Variants in PCMTD2 observed in about 807,000 individuals in gnomAD.
PCMTD2 encodes protein-L-isoaspartate (D-aspartate) O-methyltransferase domain containing 2.
Under a neutral mutation model 33.4 loss-of-function variants are expected in PCMTD2, and 16 were observed. That is an observed-to-expected ratio of 0.48 (90% CI 0.32 to 0.73). The LOEUF is 0.73. PCMTD2 is among the 30% of genes least tolerant of loss of function. The pLI, the probability that PCMTD2 is intolerant of heterozygous loss-of-function variation, is 0.03. For missense variants in PCMTD2, 374 were observed against 449.9 expected (o/e 0.83, Z 1.53); for synonymous variants, 161 against 160.8 (o/e 1.00, Z -0.01).
chr20:64,260,361 C>T, intron 2 of PCMTD2, 89 bp downstream of exon 2: 3 of 907,470 alleles, frequency 3.3e-6, no homozygotes, highest in Non-Finnish European at 5.3e-6. Context: ...TAATGGCCTG[C>T]CTGGGTCGAG....
chr20:64,261,419 C>T (rs1985410255), intron 2 of PCMTD2, among the ~76,000 whole-genome samples: 1 of 152,074 alleles, frequency 6.6e-6, no homozygotes, highest in Non-Finnish European at 1.5e-5. Context: ...AAAGAAACGT[C>T]AGGAATGTGG....
chr20:64,261,497 C>T (rs1279255491), intron 2 of PCMTD2, among the ~76,000 whole-genome samples: 3 of 152,186 alleles, frequency 2.0e-5, no homozygotes, highest in African/African-American at 4.8e-5. Flanking sequence ...ATCGCTTGAT[C>T]GCTTCAAGAT....
rs1277602471 is a variant in PCMTD2 at position 64,267,876 on chromosome 20, C to G, written c.583-11C>G. ...ATTCTTTTGAATATTCTCATTTTGT[C>G]TCTGGGATAGTTGACTAAGATAACA... On this transcript the variant is annotated splice_polypyrimidine_tract_variant and intron_variant, in intron 4 of 5. Transcript: ENST00000308824. The G allele has an allele frequency of 6.2e-7, 1 of 1,611,028 alleles. No homozygotes were observed. The highest frequency in any genetic ancestry group is 8.5e-7 in the Non-Finnish European group (1 of 1,177,862).
chr20:64,268,479 C>T (rs1985749684), intron 5 of PCMTD2, among the ~76,000 whole-genome samples: 1 of 152,284 alleles, frequency 6.6e-6, no homozygotes, highest in South Asian at 2.1e-4. Context: ...GGAGACTTTC[C>T]GTGGAACCTT....
chr20:64,261,450 C>A (rs1192242666), intron 2 of PCMTD2, among the ~76,000 whole-genome samples: 1 of 152,178 alleles, frequency 6.6e-6, no homozygotes, highest in African/African-American at 2.4e-5. Context: ...TGGTTCATGC[C>A]TGTAATCCCA....
chr20:64,273,877 T>C lies in PCMTD2; in HGVS notation c.*277T>C. 1 of 318,236 alleles carries C rather than the reference T, an allele frequency of 3.1e-6. No homozygotes were observed. Among genetic ancestry groups the C allele is most frequent in the Non-Finnish European group, 5.7e-6 (1 of 174,366 alleles). 19.7% of individuals were successfully genotyped at this position (318,236 alleles called of 1,614,324 possible). A position where few individuals can be genotyped will look rare whatever the true frequency, so the allele number is the denominator to read the frequency against. On this transcript the variant is annotated 3_prime_UTR_variant, in exon 6 of 6. Transcript: ENST00000308824. ...TCATAGAGAAAAAGAGAAGGCTGTTTCTTTTTCGGCTCTGACGAAACACTG... is the reference window on the plus strand; with the variant it reads ...TCATAGAGAAAAAGAGAAGGCTGTTCCTTTTTCGGCTCTGACGAAACACTG...
At position 64,273,668 on chromosome 20, in the gene PCMTD2, G is replaced by A; in HGVS notation, c.*68G>A. The stretch of plus-strand genomic sequence containing the variant: ...AGTGTGAAGTTCGTGCTGCCTGTGT[G>A]CTGTTGAAGGGTCACCTGGAGGCAG... On this transcript the variant is annotated 3_prime_UTR_variant, in exon 6 of 6. Coordinates refer to ENST00000308824, the MANE Select transcript of PCMTD2 (RefSeq NM_018257.3). 2 of 1,392,942 alleles carry A rather than the reference G, an allele frequency of 1.4e-6. No homozygotes were observed. The highest frequency in any genetic ancestry group is 1.5e-5 in the South Asian group (1 of 68,390). 86.3% of individuals were successfully genotyped at this position (1,392,942 alleles called of 1,614,324 possible). A position where few individuals can be genotyped will look rare whatever the true frequency, so the allele number is the denominator to read the frequency against.
At chr20:64,258,440 A>C (rs959609722) in intron 1 of PCMTD2, among the ~76,000 whole-genome samples, 3 of 152,244 alleles carry the variant, frequency 2.0e-5, no homozygotes, top group African/African-American at 7.2e-5. Flanking sequence ...GCAAAACCTA[A>C]TATTCAGCTC....
chr20:64,270,509 C>T (rs1262231012), intron 5 of PCMTD2, among the ~76,000 whole-genome samples: 3 of 104,764 alleles, frequency 2.9e-5, no homozygotes, highest in Non-Finnish European at 4.0e-5. Flanking sequence ...TCGTGAGTTC[C>T]GGCGTGCACG....
At chr20:64,266,536 T>C (rs6011378) in intron 4 of PCMTD2, among the ~76,000 whole-genome samples, 34,163 of 152,134 alleles carry the variant, frequency 0.22, 4,070 homozygotes, top group South Asian at 0.35. Context: ...GGATTACAGG[T>C]GTGAGCCACC....
At position 64,264,347 on chromosome 20, in the gene PCMTD2, G is replaced by T. The variant is rs1037563804; in HGVS notation, c.308-82G>T. 6.8e-6 allele frequency: 5 copies of T among 738,716 alleles called. No homozygotes were observed. The African/African-American group carries it at 7.0e-5, about 10-fold the overall frequency. The allele number at this position is 738,716 out of a possible 1,614,324, so 45.8% of individuals were successfully genotyped here. A position where few individuals can be genotyped will look rare whatever the true frequency, so the allele number is the denominator to read the frequency against. ...TGTAGTTACACATGTTAAGTCAGACGTGTTACAGTTGGTAGAAGTGAACAG... is the reference window on the plus strand; with the variant it reads ...TGTAGTTACACATGTTAAGTCAGACTTGTTACAGTTGGTAGAAGTGAACAG... On this transcript the variant is annotated intron_variant, in intron 2 of 5. Transcript: ENST00000308824.
chr20:64,270,559 T>C (rs1678081922), intron 5 of PCMTD2, among the ~76,000 whole-genome samples: 1 of 151,930 alleles, frequency 6.6e-6, no homozygotes, highest in Non-Finnish European at 1.5e-5. Flanking sequence ...TGGTGTGGGA[T>C]CGTGTGAGTG....
rs945306878 is a variant in PCMTD2, at chr20:64,274,502, C to T, written c.*902C>T. 1 of 152,200 alleles carries T rather than the reference C, an allele frequency of 6.6e-6. No individual in the cohort carries two copies. The highest frequency in any genetic ancestry group is 2.4e-5 in the African/African-American group (1 of 41,436). 9.4% of individuals were successfully genotyped at this position (152,200 alleles called of 1,614,324 possible). A position where few individuals can be genotyped will look rare whatever the true frequency, so the allele number is the denominator to read the frequency against. ...GGTATTCTAAGGTGTTGACACCCTC[C>T]ATCCTCAGAGCAGGTCGAAAATATT... On this transcript the variant is annotated 3_prime_UTR_variant, in exon 6 of 6. Coordinates refer to ENST00000308824, the MANE Select transcript of PCMTD2 (RefSeq NM_018257.3).
At chr20:64,256,547 A>C (rs1302562724) in intron 1 of PCMTD2, 1 of 152,152 alleles carries the variant, frequency 6.6e-6, no homozygotes, top group Non-Finnish European at 1.5e-5. Context: ...TTTTCTTCTC[A>C]AGGGAATGGC....
chr20:64,265,351 C>T lies in PCMTD2; in HGVS notation c.504C>T (p.Gly168=), dbSNP rs115893904. Residue 168 remains glycine (G), a synonymous_variant, in exon 4 of 6, where the codon GGC becomes GGT. Coordinates refer to ENST00000308824, the MANE Select transcript of PCMTD2 (RefSeq NM_018257.3). ...SQYDRVYCGA[G]VQKEHEEYMK... ...ATGATCGTGTATACTGTGGGGCTGG[C>T]GTGCAGAAAGAGCATGAAGAGTACA... 90 of 1,613,102 alleles carry T rather than the reference C, an allele frequency of 5.6e-5. 1 individual carries two copies. The highest frequency in any genetic ancestry group is 1.7e-4 in the African/African-American group (13 of 74,860).
intron 2 of PCMTD2, among the ~76,000 whole-genome samples, chr20:64,263,415 T>A (rs1416855971): frequency 6.6e-6 from 1 of 152,182 alleles, no homozygotes; most frequent in Non-Finnish European, 1.5e-5. Context: ...GCCCACACGG[T>A]GCAAAGGTGT....
chr20:64,268,851 G>T (rs1985767088), intron 5 of PCMTD2, among the ~76,000 whole-genome samples: 1 of 152,176 alleles, frequency 6.6e-6, no homozygotes, highest in Non-Finnish European at 1.5e-5. Flanking sequence ...CTAAGTACAG[G>T]TTCTAAGAAC....
At chr20:64,260,671 T>C (rs1985374082) in intron 2 of PCMTD2, among the ~76,000 whole-genome samples, 1 of 152,086 alleles carries the variant, frequency 6.6e-6, no homozygotes, top group African/African-American at 2.4e-5. Context: ...TTGAAAGTCC[T>C]TTCGGAGTAC....
chr20:64,269,240 A>G (rs922749610), intron 5 of PCMTD2, among the ~76,000 whole-genome samples: 2 of 152,256 alleles, frequency 1.3e-5, no homozygotes, highest in Admixed American at 6.5e-5. Flanking sequence ...TCTCATCAGA[A>G]TAACCTTTTA....
Sources: gnomAD v4.1 joint callset for allele counts (sites outside exome capture counted in the v4.1 genomes callset) on GRCh38, gnomAD v4.1.1 for gene constraint, MANE v1.5 for transcripts, NCBI Gene and HGNC (gene_info 2026-07-23, HGNC 2026-07-21) for gene names.